The following FRAS1 variants were observed in gnomAD, a reference collection of about 807,000 sequenced individuals.
FRAS1 encodes extracellular matrix organizing protein FRAS1.
Under a neutral mutation model 435.2 loss-of-function variants are expected in FRAS1, and 290 were observed. That is an observed-to-expected ratio of 0.67 (90% confidence interval 0.61 to 0.73). The LOEUF is 0.73. Among genes scored for constraint, FRAS1 ranks in the 30% least tolerant of loss-of-function variants. The probability of loss-of-function intolerance (pLI) is 0.00; values close to 1 mark genes in which losing one functional copy is unlikely to be tolerated. For synonymous variants in FRAS1, 1,800 were observed against 1,851.0 expected (o/e 0.97, Z 0.71); for missense variants, 4,860 against 5,001.5 (o/e 0.97, Z 0.85).
intron 25 of FRAS1, among the ~76,000 whole-genome samples, chr4:78,375,290 A>G (rs6821458): frequency 0.11 from 16,004 of 152,230 alleles, 1,009 homozygotes; most frequent in East Asian, 0.29. Flanking sequence ...TCGTCATTGC[A>G]CATTATAACA....
intron 10 of FRAS1, among the ~76,000 whole-genome samples, chr4:78,280,580 C>CTTTT: frequency 7.0e-6 from 1 of 141,886 alleles, no homozygotes; most frequent in African/African-American, 2.6e-5. Flanking sequence ...TTCCTCCATA[C>CTTTT]TTTTTTTTTT....
chr4:78,307,461 GC>G (rs1406918372), intron 14 of FRAS1, among the ~76,000 whole-genome samples: 18 of 152,208 alleles, frequency 1.2e-4, no homozygotes, highest in African/African-American at 4.3e-4. Context: ...CCCTCCCCCA[GC>G]CTTGCTGCCG....
intron 59 of FRAS1, 90 bp from the exon 60 acceptor site, chr4:78,496,715 A>G: frequency 1.6e-6 from 2 of 1,219,758 alleles, no homozygotes; most frequent in South Asian, 2.8e-5. Flanking sequence ...TTTTGATGCA[A>G]TAAAGAAGAA....
intron 2 of FRAS1, chr4:78,070,393 T>G (rs959417531): frequency 2.0e-5 from 3 of 152,198 alleles, no homozygotes; most frequent in Non-Finnish European, 4.4e-5. Flanking sequence ...AATTATGGAC[T>G]GATTTCAGCT....
chr4:78,162,239 C>A (rs868716929), intron 2 of FRAS1, among the ~76,000 whole-genome samples: 1 of 152,216 alleles, frequency 6.6e-6, no homozygotes. Flanking sequence ...CTGAAAGGAT[C>A]CACAAGAAAA....
At chr4:78,527,616 G>A (rs1721581407) in intron 70 of FRAS1, among the ~76,000 whole-genome samples, 1 of 152,160 alleles carries the variant, frequency 6.6e-6, no homozygotes, top group African/African-American at 2.4e-5. Flanking sequence ...TCAATACTGA[G>A]GTCATTGGTG....
chr4:78,265,554 G>A (rs1040292621), intron 7 of FRAS1, among the ~76,000 whole-genome samples: 9 of 152,286 alleles, frequency 5.9e-5, no homozygotes, highest in South Asian at 2.1e-4. Context: ...GAAGGGAGGC[G>A]AGAGGCTGTT....
At chr4:78,520,409 A>C (rs1306979153) in intron 67 of FRAS1, among the ~76,000 whole-genome samples, 1 of 151,330 alleles carries the variant, frequency 6.6e-6, no homozygotes, top group Non-Finnish European at 1.5e-5. Context: ...AACATACTAA[A>C]AAAAATACAA....
At chr4:78,182,907 A>AT (rs1203743099) in intron 2 of FRAS1, among the ~76,000 whole-genome samples, 1 of 139,756 alleles carries the variant, frequency 7.2e-6, no homozygotes, top group East Asian at 2.0e-4. Context: ...AAAAAAAAAA[A>AT]TGCCCAGAGG....
At chr4:78,464,285 G>A (rs1054457969) in intron 48 of FRAS1, 140 bp downstream of exon 48, 1 of 1,369,878 alleles carries the variant, frequency 7.3e-7, no homozygotes, top group Non-Finnish European at 9.9e-7. Context: ...AGCCTCTGTA[G>A]CCACCTTGGC....
At chr4:78,321,441 G>C (rs1174769229) in intron 18 of FRAS1, among the ~76,000 whole-genome samples, 1 of 152,224 alleles carries the variant, frequency 6.6e-6, no homozygotes, top group East Asian at 1.9e-4. Flanking sequence ...CCATACAGGA[G>C]AGAAGCACAG....
intron 2 of FRAS1, among the ~76,000 whole-genome samples, chr4:78,187,762 C>A (rs944173395): frequency 6.6e-6 from 1 of 152,080 alleles, no homozygotes; most frequent in Non-Finnish European, 1.5e-5. Context: ...TGCTATCACA[C>A]CCGGCTAATT....
intron 16 of FRAS1, among the ~76,000 whole-genome samples, chr4:78,316,845 C>T (rs1729276803): frequency 6.6e-6 from 1 of 152,206 alleles, no homozygotes; most frequent in Admixed American, 6.5e-5. Context: ...GAGACCCAGG[C>T]TTGACTGAGG....
chr4:78,400,888 G>A lies in FRAS1; in HGVS notation c.4129+1G>A, dbSNP rs764320679. On this transcript the variant is annotated splice_donor_variant, in intron 30 of 73. Transcript: ENST00000512123. LOFTEE classifies it high-confidence loss of function. ...ATTACACAAGACTACCCCCAGTTTG[G>A]TAACTATTTTTTCCTTTGGCGTGGT... 1 of 1,613,274 alleles carries A rather than the reference G, an allele frequency of 6.2e-7. No individual in the cohort carries two copies. Among genetic ancestry groups the A allele is most frequent in the Admixed American group, 1.7e-5 (1 of 59,930 alleles).
chr4:78,063,857 A>G (rs1739870428), intron 1 of FRAS1, among the ~76,000 whole-genome samples: 1 of 152,148 alleles, frequency 6.6e-6, no homozygotes, highest in African/African-American at 2.4e-5. Flanking sequence ...CTAAAAGTTA[A>G]GTTTTGTTTA....
At chr4:78,465,373 G>A (rs28456030) in intron 49 of FRAS1, among the ~76,000 whole-genome samples, 4,851 of 152,246 alleles carry the variant, frequency 0.032, 260 homozygotes, top group African/African-American at 0.11. Flanking sequence ...TACAATAAGT[G>A]CTATGCAGAA....
chr4:78,298,299 A>G (rs1048604045), intron 14 of FRAS1, among the ~76,000 whole-genome samples: 15 of 146,350 alleles, frequency 1.0e-4, no homozygotes, highest in Middle Eastern at 3.6e-3. Context: ...TATAAGGTGT[A>G]TATATATATA....
intron 2 of FRAS1, among the ~76,000 whole-genome samples, chr4:78,128,417 G>T (rs919347416): frequency 1.3e-5 from 2 of 152,266 alleles, no homozygotes; most frequent in East Asian, 3.9e-4. Context: ...AGCACCTGTT[G>T]TTTCCTGACT....
At chr4:78,119,657 T>A (rs1044756694) in intron 2 of FRAS1, among the ~76,000 whole-genome samples, 1 of 152,192 alleles carries the variant, frequency 6.6e-6, no homozygotes. Context: ...ACAGGGGTAA[T>A]AGTTCCTAAT....
Sources: allele counts gnomAD v4.1 joint callset (sites outside exome capture counted in the v4.1 genomes callset), GRCh38; gene constraint gnomAD v4.1.1; transcripts MANE v1.5; gene names NCBI Gene and HGNC (gene_info 2026-07-23, HGNC 2026-07-21).